ATR: variants seen among roughly 807,000 people sequenced by gnomAD.
ATR encodes serine/threonine-protein kinase ATR.
In ATR, 142 loss-of-function variants were observed where a neutral mutation model predicts 305.3. The ratio of observed to expected loss-of-function variants is 0.47; its 90% CI spans 0.41 to 0.53. The LOEUF (loss-of-function observed/expected upper bound fraction) is 0.53, where lower values mean the gene tolerates loss of function less well. Among genes scored for constraint, ATR ranks in the 20% least tolerant of loss-of-function variants. The pLI is 0.00. For synonymous variants in ATR, 1,050 were observed against 1,068.1 expected, an observed-to-expected ratio of 0.98 and a Z score of 0.33; for missense variants, 2,135 against 3,133.1, an observed-to-expected ratio of 0.68 and a Z score of 7.60.
intron 36 of ATR, among the ~76,000 whole-genome samples, chr3:142,480,723 A>G (rs2030376660): frequency 6.6e-6 from 1 of 152,198 alleles, no homozygotes; most frequent in Non-Finnish European, 1.5e-5. Flanking sequence ...CTTGAGCTGC[A>G]GTGGGCTCCA....
At position 142,542,424 on chromosome 3, in the gene ATR, T is replaced by C. The variant is rs555863535; in HGVS notation, c.3450+241A>G. ...AGCTACATCATCCTTACGCTTTTAG[T>C]AACACAGCCACAAGTTCCTTTTAGT... On this transcript the variant is annotated intron_variant, in intron 17 of 46. Transcript: ENST00000350721. 2.0e-5 allele frequency among the ~76,000 whole-genome samples: 3 copies of C among 152,320 alleles called. No individual in the cohort carries two copies. The South Asian group carries it at 6.2e-4, about 32-fold the overall frequency.
chr3:142,569,850 T>C (rs2035205843), intron 1 of ATR, among the ~76,000 whole-genome samples: 1 of 151,836 alleles, frequency 6.6e-6, no homozygotes, highest in African/African-American at 2.4e-5. Flanking sequence ...TTTTACCATG[T>C]TGGCCAGGAT....
intron 35 of ATR, among the ~76,000 whole-genome samples, chr3:142,490,252 C>T (rs2031198922): frequency 6.6e-6 from 1 of 152,150 alleles, no homozygotes; most frequent in African/African-American, 2.4e-5. Flanking sequence ...GACAGGTTCT[C>T]ACTATATTGC....
chr3:142,490,483 T>C (rs1305583674), intron 35 of ATR, among the ~76,000 whole-genome samples: 2 of 152,226 alleles, frequency 1.3e-5, no homozygotes, highest in Non-Finnish European at 2.9e-5. Flanking sequence ...TTCTTAACTG[T>C]CTTTCTTAGA....
chr3:142,516,967 A>C (rs1290388064), intron 24 of ATR, among the ~76,000 whole-genome samples: 1 of 143,582 alleles, frequency 7.0e-6, no homozygotes, highest in African/African-American at 2.7e-5. Context: ...CCTATACCCA[A>C]AGTCTTATAC....
intron 46 of ATR, chr3:142,451,185 T>C: frequency 8.4e-7 from 1 of 1,187,338 alleles, no homozygotes; most frequent in Non-Finnish European, 1.1e-6. Flanking sequence ...AACTTCAACT[T>C]GTTGGGGATC....
chr3:142,493,334 A>G (rs370714932), intron 34 of ATR, 23 bp from the exon 35 acceptor site: 3 of 1,588,372 alleles, frequency 1.9e-6, no homozygotes, highest in Non-Finnish European at 2.6e-6. Flanking sequence ...AGGCAACAAT[A>G]AGCCTTTTAA....
At chr3:142,528,901 T>TTTTTTGG (rs2033525135) in intron 21 of ATR, among the ~76,000 whole-genome samples, 1 of 131,478 alleles carries the variant, frequency 7.6e-6, no homozygotes, top group African/African-American at 3.1e-5. Flanking sequence ...TTTTTTTTTT[T>TTTTTTGG]GAGGCAGAGT....
chr3:142,553,542 A>G (rs2108463812), intron 12 of ATR, 98 bp downstream of exon 12: 1 of 1,439,262 alleles, frequency 6.9e-7, no homozygotes, highest in Non-Finnish European at 9.6e-7. Context: ...TTTGTCTATA[A>G]TATCACAAAT....
At chr3:142,452,977 A>G in intron 46 of ATR, 151 bp downstream of exon 46, 1 of 1,508,852 alleles carries the variant, frequency 6.6e-7, no homozygotes, top group Non-Finnish European at 8.8e-7. Context: ...TGGCATTGTG[A>G]TACTAGAGAA....
chr3:142,517,234 A>C (rs919170428), intron 24 of ATR, among the ~76,000 whole-genome samples: 6 of 151,750 alleles, frequency 4.0e-5, no homozygotes, highest in African/African-American at 1.4e-4. Context: ...TTTCTCCTAA[A>C]GTTATTTCTA....
chr3:142,470,328 CCT>C (rs2071232409), intron 36 of ATR, 145 bp from the exon 37 acceptor site: 10 of 689,142 alleles, frequency 1.5e-5, no homozygotes, highest in South Asian at 1.1e-4. Context: ...ATTTTTGACT[CCT>C]CTGTCTCCTT....
intron 17 of ATR, among the ~76,000 whole-genome samples, chr3:142,541,319 T>C (rs569048478): frequency 2.0e-5 from 3 of 152,322 alleles, no homozygotes; most frequent in African/African-American, 7.2e-5. Context: ...ATTTCTAATT[T>C]ATTAAAGGTA....
chr3:142,462,037 A>G lies in ATR; in HGVS notation c.7095T>C (p.Tyr2365=), dbSNP rs1427488655. The change falls in exon 42 of 47, where the codon TAT becomes TAC. Residue 2365 remains tyrosine (Y), a synonymous_variant. Coordinates refer to ENST00000350721, the MANE Select transcript of ATR (RefSeq NM_001184.4). The part of the protein sequence containing the change: ...SRRRELHIRT[Y]AVIPLNDECG... Reference sequence around the variant, plus strand: ...ATTCATCATTTAGTGGAATAACTGCATATGTTCGAATATGAAGTTCTCTTC... The same window carrying G: ...ATTCATCATTTAGTGGAATAACTGCGTATGTTCGAATATGAAGTTCTCTTC... 1.9e-6 allele frequency: 3 copies of G among 1,613,080 alleles called. No individual in the cohort carries two copies. The South Asian group carries it at 3.3e-5, about 18-fold the overall frequency.
chr3:142,560,161 T>C (rs1291217290), intron 6 of ATR, 102 bp downstream of exon 6: 1 of 1,165,276 alleles, frequency 8.6e-7, no homozygotes, highest in Non-Finnish European at 1.3e-6. Flanking sequence ...CAGTGAAAAG[T>C]TTGTGTTCTA....
intron 46 of ATR, chr3:142,450,785 G>C: frequency 6.9e-7 from 1 of 1,444,822 alleles, no homozygotes; most frequent in Non-Finnish European, 9.2e-7. Flanking sequence ...CACACTGCGT[G>C]GACAGAACAT....
At chr3:142,504,753 C>T (rs892920979) in intron 29 of ATR, among the ~76,000 whole-genome samples, 4 of 152,202 alleles carry the variant, frequency 2.6e-5, no homozygotes, top group Non-Finnish European at 5.9e-5. Flanking sequence ...CATGAGCCGC[C>T]GCATCCGGCC....
rs2033274138 is a variant in ATR, at chr3:142,524,186, T to C, written c.3959A>G (p.Lys1320Arg). 13 of 1,612,756 alleles carry C rather than the reference T, an allele frequency of 8.1e-6. No homozygotes were observed. Among genetic ancestry groups the C allele is most frequent in the Non-Finnish European group, 1.1e-5 (13 of 1,178,966 alleles). Residue 1320 changes from lysine to arginine, a missense_variant, in exon 22 of 47, where the codon AAG becomes AGG. By Grantham distance (26) the Lys-to-Arg change is conservative (BLOSUM62 2). Around this residue, in one of 9 missense-constraint regions of ATR, gnomAD observed 530 missense variants for 766.8 expected, o/e 0.69. Transcript: ENST00000350721. ...TACTGTTTCACTGTCTGTTGCATAC[T>C]TTATCAGTTTTTCCTAAAATAAAAG... ...TLYKNQEKLI[K>R]YATDSETVEP... is the part of the protein sequence containing the mutation.
intron 29 of ATR, among the ~76,000 whole-genome samples, chr3:142,504,279 A>T (rs973629210): frequency 6.6e-6 from 1 of 152,160 alleles, no homozygotes; most frequent in Non-Finnish European, 1.5e-5. Flanking sequence ...AAATATGAAA[A>T]TGTTTCTCAG....
Sources: allele counts gnomAD v4.1 joint callset (sites outside exome capture counted in the v4.1 genomes callset), GRCh38; gene constraint gnomAD v4.1.1; regional missense constraint gnomAD v4.1.1; transcripts MANE v1.5; gene names NCBI Gene and HGNC (gene_info 2026-07-23, HGNC 2026-07-21).